The following DLGAP1 variants were observed in gnomAD, a reference collection of about 807,000 sequenced individuals.
DLGAP1 encodes the protein DLG associated protein 1.
A neutral mutation model predicts 90.8 loss-of-function variants in DLGAP1; 11 were observed. That is an observed-to-expected ratio of 0.12 (90% confidence interval 0.08 to 0.20). The LOEUF (loss-of-function observed/expected upper bound fraction) is 0.20. Ranked by LOEUF, DLGAP1 falls within the 10% of genes least tolerant of loss-of-function variation. DLGAP1 has a pLI of 1.00. For synonymous variants in DLGAP1, 558 were observed against 540.7 expected (o/e 1.03, Z -0.44); for missense variants, 1,050 against 1,333.8 (o/e 0.79, Z 3.31).
intron 4 of DLGAP1, among the ~76,000 whole-genome samples, chr18:3,823,439 T>C (rs1327220105): frequency 6.6e-6 from 1 of 152,180 alleles, no homozygotes; most frequent in Non-Finnish European, 1.5e-5. Context: ...CTTAATGCCA[T>C]TGCAATGATG....
At chr18:4,024,600 C>A (rs2074669267) in intron 2 of DLGAP1, among the ~76,000 whole-genome samples, 1 of 152,126 alleles carries the variant, frequency 6.6e-6, no homozygotes, top group South Asian at 2.1e-4. Flanking sequence ...CCACATCTGT[C>A]TAGAAGGGGT....
intron 3 of DLGAP1, among the ~76,000 whole-genome samples, chr18:3,930,157 T>C (rs1166418190): frequency 6.6e-6 from 1 of 152,256 alleles, no homozygotes; most frequent in Non-Finnish European, 1.5e-5. Context: ...ATGAGGATAA[T>C]ATTTTATGTG....
intron 1 of DLGAP1, among the ~76,000 whole-genome samples, chr18:4,187,724 G>T (rs9952783): frequency 6.6e-6 from 1 of 152,082 alleles, no homozygotes; most frequent in Non-Finnish European, 1.5e-5. Flanking sequence ...TCAGCTGGGC[G>T]TGGTGGCTCA....
intron 6 of DLGAP1, among the ~76,000 whole-genome samples, chr18:3,731,256 G>C (rs1455146616): frequency 6.6e-6 from 1 of 151,936 alleles, no homozygotes; most frequent in Non-Finnish European, 1.5e-5. Flanking sequence ...ACTTTACAAA[G>C]AGATAGCAAA....
At chr18:3,580,820 C>A (rs1176697827) in intron 8 of DLGAP1, 11 of 1,514,682 alleles carry the variant, frequency 7.3e-6, no homozygotes, top group East Asian at 4.6e-5. Flanking sequence ...ACCTGCCGTG[C>A]GGACCGTGGA....
intron 7 of DLGAP1, among the ~76,000 whole-genome samples, chr18:3,692,481 C>T (rs2060931132): frequency 6.6e-6 from 1 of 152,158 alleles, no homozygotes; most frequent in South Asian, 2.1e-4. Context: ...CAATGGCCTA[C>T]CTTCACTCCC....
intron 1 of DLGAP1, chr18:4,248,477 A>C (rs2078701624): frequency 6.6e-6 from 1 of 152,208 alleles, no homozygotes; most frequent in South Asian, 2.1e-4. Flanking sequence ...TAACTGCCTA[A>C]CTGCCTGTTT....
chr18:3,629,483 A>C (rs1411208117), intron 7 of DLGAP1, among the ~76,000 whole-genome samples: 1 of 152,018 alleles, frequency 6.6e-6, no homozygotes, highest in East Asian at 1.9e-4. Flanking sequence ...CATCCTGGCT[A>C]ACACGCTGAA....
intron 1 of DLGAP1, among the ~76,000 whole-genome samples, chr18:4,323,024 G>A (rs2080735414): frequency 6.7e-6 from 1 of 150,330 alleles, no homozygotes; most frequent in Non-Finnish European, 1.5e-5. Context: ...AACTCAGATT[G>A]GGAGAAAATA....
intron 2 of DLGAP1, among the ~76,000 whole-genome samples, chr18:4,042,066 C>T (rs1022646981): frequency 6.6e-6 from 1 of 152,028 alleles, no homozygotes; most frequent in Non-Finnish European, 1.5e-5. Context: ...ATTGTGTGTT[C>T]CTTTAAAGAA....
intron 1 of DLGAP1, among the ~76,000 whole-genome samples, chr18:4,387,279 G>T (rs2082248931): frequency 6.6e-6 from 1 of 152,066 alleles, no homozygotes. Flanking sequence ...AGTAAAAAAA[G>T]AATTTAATAG....
intron 1 of DLGAP1, among the ~76,000 whole-genome samples, chr18:4,273,364 C>G (rs1255851629): frequency 6.6e-6 from 1 of 152,152 alleles, no homozygotes; most frequent in Non-Finnish European, 1.5e-5. Context: ...CTTGGCTGAA[C>G]CAAGAAATCC....
intron 2 of DLGAP1, among the ~76,000 whole-genome samples, chr18:4,122,468 T>C (rs1257664191): frequency 6.6e-6 from 1 of 152,198 alleles, no homozygotes; most frequent in East Asian, 1.9e-4. Flanking sequence ...GAGAAATACA[T>C]GAAGCTATTG....
At chr18:4,268,940 A>C (rs2079193452) in intron 1 of DLGAP1, among the ~76,000 whole-genome samples, 1 of 152,104 alleles carries the variant, frequency 6.6e-6, no homozygotes, top group Non-Finnish European at 1.5e-5. Flanking sequence ...GAGTTCTTTT[A>C]TTCAGTATTG....
At chr18:3,521,964 G>A (rs923130108) in intron 10 of DLGAP1, among the ~76,000 whole-genome samples, 2 of 152,044 alleles carry the variant, frequency 1.3e-5, no homozygotes, top group Admixed American at 6.6e-5. Flanking sequence ...AGTCTTAGCT[G>A]GGGTATTATT....
rs533698705 is a variant in DLGAP1, at chr18:3,616,140, G to T, written c.1592-33892C>A. 4.6e-5 allele frequency among the ~76,000 whole-genome samples: 7 copies of T among 152,290 alleles called. No homozygotes were observed. In the East Asian group the frequency reaches 1.4e-3, roughly 29 times the overall value. ...TATTCCATTTCACAGATTTAGAGGT[G>T]CAGCTAAAGTTGACAGGCTGGTAAC... On this transcript the variant is annotated intron_variant, in intron 7 of 12. Coordinates refer to ENST00000315677, the MANE Select transcript of DLGAP1 (RefSeq NM_004746.4).
At chr18:4,263,711 G>C (rs2079048850) in intron 1 of DLGAP1, among the ~76,000 whole-genome samples, 1 of 152,022 alleles carries the variant, frequency 6.6e-6, no homozygotes, top group Non-Finnish European at 1.5e-5. Context: ...AATCAATTCT[G>C]GTTCATTTCA....
At chr18:3,819,274 C>T (rs758195953) in intron 4 of DLGAP1, among the ~76,000 whole-genome samples, 12 of 152,038 alleles carry the variant, frequency 7.9e-5, no homozygotes, top group Admixed American at 3.9e-4. Flanking sequence ...CGTGCCACTG[C>T]GCATTTTACT....
chr18:3,708,544 T>C, intron 7 of DLGAP1: 1 of 456,648 alleles, frequency 2.2e-6, no homozygotes, highest in Non-Finnish European at 4.4e-6. Context: ...CTCCGTTTCC[T>C]GCCTCTTCCT....
Sources: allele counts gnomAD v4.1 joint callset (sites outside exome capture counted in the v4.1 genomes callset), GRCh38; gene constraint gnomAD v4.1.1; transcripts MANE v1.5; gene names NCBI Gene and HGNC (gene_info 2026-07-23, HGNC 2026-07-21).